MTUS2: variants seen among roughly 807,000 people sequenced by gnomAD.
The protein encoded by MTUS2 is microtubule-associated tumor suppressor candidate 2.
Under a neutral mutation model 114.1 loss-of-function variants are expected in MTUS2, and 40 were observed. The ratio of observed to expected loss-of-function variants is 0.35; its 90% CI spans 0.27 to 0.46. MTUS2 has a LOEUF of 0.46. Ranked by LOEUF, MTUS2 falls within the 20% of genes least tolerant of loss-of-function variation. The pLI is 1.00. For missense variants in MTUS2, 1,679 were observed against 1,705.4 expected, an observed-to-expected ratio of 0.98 and a Z score of 0.27; for synonymous variants, 688 against 672.0, an observed-to-expected ratio of 1.02 and a Z score of -0.37.
chr13:28,912,877 T>G, intron 2 of MTUS2, among the ~76,000 whole-genome samples: 1 of 152,078 alleles, frequency 6.6e-6, no homozygotes, highest in Non-Finnish European at 1.5e-5. Context: ...AAAAAAAATT[T>G]TGTTATTATT....
intron 8 of MTUS2, among the ~76,000 whole-genome samples, chr13:29,399,596 A>G (rs1874170969): frequency 6.6e-6 from 1 of 152,220 alleles, no homozygotes; most frequent in South Asian, 2.1e-4. Flanking sequence ...ATGAACTGAA[A>G]ATTTGAAGAA....
chr13:29,139,752 G>A (rs1892137649), intron 5 of MTUS2, among the ~76,000 whole-genome samples: 1 of 152,262 alleles, frequency 6.6e-6, no homozygotes, highest in South Asian at 2.1e-4. Context: ...TGTTTTAACT[G>A]GTTTTAACAC....
At chr13:28,859,394 C>T (rs1337660985) in intron 2 of MTUS2, among the ~76,000 whole-genome samples, 2 of 152,186 alleles carry the variant, frequency 1.3e-5, no homozygotes, top group Admixed American at 6.5e-5. Flanking sequence ...TCATGGACCT[C>T]ATCCTTGCGG....
intron 8 of MTUS2, among the ~76,000 whole-genome samples, chr13:29,416,984 T>C (rs1371493096): frequency 1.3e-5 from 2 of 152,226 alleles, no homozygotes; most frequent in Non-Finnish European, 2.9e-5. Context: ...TATTATAGTT[T>C]TAAGCATTTG....
At chr13:29,475,276 T>C (rs576979700) in intron 9 of MTUS2, among the ~76,000 whole-genome samples, 67 of 152,384 alleles carry the variant, frequency 4.4e-4, no homozygotes, top group African/African-American at 1.4e-3. Flanking sequence ...ACAAACCTAA[T>C]GTGCTGCCAA....
At chr13:29,378,142 T>C (rs923621456) in intron 8 of MTUS2, among the ~76,000 whole-genome samples, 1 of 152,206 alleles carries the variant, frequency 6.6e-6, no homozygotes, top group African/African-American at 2.4e-5. Context: ...AGGGAGGTTT[T>C]AGAATAGTGA....
chr13:28,996,725 A>G (rs566416089), intron 2 of MTUS2, among the ~76,000 whole-genome samples: 55 of 152,038 alleles, frequency 3.6e-4, no homozygotes, highest in Non-Finnish European at 7.4e-4. Context: ...GTTTGTATTT[A>G]TGTGGTATTG....
At chr13:29,439,072 T>C (rs552179146) in intron 8 of MTUS2, among the ~76,000 whole-genome samples, 2 of 152,334 alleles carry the variant, frequency 1.3e-5, no homozygotes, top group South Asian at 4.1e-4. Context: ...GTCCACATTT[T>C]ACTCAAAATT....
intron 5 of MTUS2, among the ~76,000 whole-genome samples, chr13:29,262,014 A>C (rs1897491716): frequency 6.6e-6 from 1 of 152,246 alleles, no homozygotes; most frequent in East Asian, 1.9e-4. Flanking sequence ...TCCTATGTGA[A>C]TGTGACTGGG....
chr13:28,859,362 C>T (rs772353258), intron 2 of MTUS2, among the ~76,000 whole-genome samples: 27 of 152,284 alleles, frequency 1.8e-4, no homozygotes, highest in Non-Finnish European at 3.5e-4. Context: ...ATGTAATGAA[C>T]AAAAGAACTT....
At chr13:28,909,898 T>G (rs968618812) in intron 2 of MTUS2, among the ~76,000 whole-genome samples, 1 of 152,146 alleles carries the variant, frequency 6.6e-6, no homozygotes, top group Non-Finnish European at 1.5e-5. Context: ...TTTTATTTTT[T>G]AATTTTTGTG....
At chr13:28,884,265 A>C (rs181810014) in intron 2 of MTUS2, among the ~76,000 whole-genome samples, 1 of 152,360 alleles carries the variant, frequency 6.6e-6, no homozygotes, top group Non-Finnish European at 1.5e-5. Flanking sequence ...GTATGAACGA[A>C]CCTTGAGGAC....
At chr13:28,992,759 A>G (rs1002172882) in intron 2 of MTUS2, among the ~76,000 whole-genome samples, 5 of 151,960 alleles carry the variant, frequency 3.3e-5, no homozygotes, top group African/African-American at 9.7e-5. Context: ...ACAACATACA[A>G]TTTTCTGTCT....
At chr13:29,244,695 G>A (rs770682037) in intron 5 of MTUS2, among the ~76,000 whole-genome samples, 3 of 152,046 alleles carry the variant, frequency 2.0e-5, no homozygotes, top group South Asian at 2.1e-4. Flanking sequence ...GGTGGCTCAC[G>A]CCTGTAATCC....
intron 8 of MTUS2, among the ~76,000 whole-genome samples, chr13:29,429,955 C>CTT (rs1876864312): frequency 6.6e-6 from 1 of 152,196 alleles, no homozygotes; most frequent in African/African-American, 2.4e-5. Context: ...TTAAAAGTCA[C>CTT]TTACTAGTTT....
chr13:28,999,396 A>G (rs1885278593), intron 2 of MTUS2, among the ~76,000 whole-genome samples: 1 of 152,160 alleles, frequency 6.6e-6, no homozygotes, highest in Non-Finnish European at 1.5e-5. Context: ...GTTCTGGGAG[A>G]ACCACTACTC....
intron 2 of MTUS2, among the ~76,000 whole-genome samples, chr13:28,989,025 G>T (rs1348256385): frequency 6.6e-6 from 1 of 152,194 alleles, no homozygotes; most frequent in Non-Finnish European, 1.5e-5. Flanking sequence ...TGAGTCAATT[G>T]GTTTTGGACT....
Position 29,503,249 on chromosome 13 carries a change from G to T in MTUS2, c.*43G>T, listed in dbSNP as rs1362215415. ...CGGGAGCTCCGGCTTCTCGTCCTCCGGTCTCCACCCTGAGGGAGCACCGAC... is the reference window on the plus strand; with the variant it reads ...CGGGAGCTCCGGCTTCTCGTCCTCCTGTCTCCACCCTGAGGGAGCACCGAC... On this transcript the variant is annotated 3_prime_UTR_variant, in exon 16 of 16. Coordinates refer to ENST00000612955, the MANE Select transcript of MTUS2 (RefSeq NM_001033602.4). 1 of 1,604,418 alleles carries T rather than the reference G, an allele frequency of 6.2e-7. No individual in the cohort carries two copies.
intron 4 of MTUS2, among the ~76,000 whole-genome samples, chr13:29,046,322 C>T (rs1033547991): frequency 6.6e-6 from 1 of 152,024 alleles, no homozygotes; most frequent in African/African-American, 2.4e-5. Context: ...CTGTATGTTG[C>T]CCAGGCTGGT....
Sources: allele counts gnomAD v4.1 joint callset (sites outside exome capture counted in the v4.1 genomes callset), GRCh38; gene constraint gnomAD v4.1.1; transcripts MANE v1.5; gene names NCBI Gene and HGNC (gene_info 2026-07-23, HGNC 2026-07-21).